The following GSG1L variants were observed in gnomAD, a reference collection of about 807,000 sequenced individuals.
The protein encoded by GSG1L is GSG1 like.
Under a neutral mutation model 42.1 loss-of-function variants are expected in GSG1L, and 24 were observed. That is an observed-to-expected ratio of 0.57 (90% CI 0.41 to 0.80). The LOEUF is 0.80. GSG1L is among the 30% of genes least tolerant of loss of function. GSG1L has a pLI of 0.00. For synonymous variants in GSG1L, 215 were observed against 203.5 expected (o/e 1.06, Z -0.48); for missense variants, 445 against 472.2 (o/e 0.94, Z 0.53).
intron 1 of GSG1L, among the ~76,000 whole-genome samples, chr16:28,005,834 G>A (rs188628328): frequency 1.3e-5 from 2 of 152,212 alleles, no homozygotes; most frequent in South Asian, 2.1e-4. Flanking sequence ...GGTGCATTTC[G>A]GCAGAATAAC....
At chr16:27,886,937 TTC>T (rs1211348314) in intron 2 of GSG1L, among the ~76,000 whole-genome samples, 1 of 151,954 alleles carries the variant, frequency 6.6e-6, no homozygotes, top group Non-Finnish European at 1.5e-5. Flanking sequence ...TCTCTTTTCT[TTC>T]TCTCTTTCTT....
At chr16:27,809,493 G>T (rs910245840) in intron 5 of GSG1L, among the ~76,000 whole-genome samples, 1 of 151,854 alleles carries the variant, frequency 6.6e-6, no homozygotes, top group Non-Finnish European at 1.5e-5. Context: ...TGGGAGGATC[G>T]CTTGAGCCCA....
chr16:27,921,365 A>G (rs1391926444), intron 2 of GSG1L, among the ~76,000 whole-genome samples: 1 of 152,134 alleles, frequency 6.6e-6, no homozygotes, highest in East Asian at 1.9e-4. Flanking sequence ...CACCACGGCC[A>G]GTGTCTGTTC....
At chr16:27,985,442 C>A (rs185299106) in intron 1 of GSG1L, among the ~76,000 whole-genome samples, 1 of 152,168 alleles carries the variant, frequency 6.6e-6, no homozygotes, top group East Asian at 1.9e-4. Flanking sequence ...CTTCACCATC[C>A]GCCATGATTG....
chr16:27,907,843 T>C (rs915582836), intron 2 of GSG1L, among the ~76,000 whole-genome samples: 2 of 149,796 alleles, frequency 1.3e-5, no homozygotes, highest in Non-Finnish European at 1.5e-5. Context: ...TCCTTTCTTG[T>C]GGTTGCAACA....
In GSG1L at chr16:27,948,908, C is replaced by CTAT. The variant is rs372937677; in HGVS notation, c.397+14245_397+14247dup. ...ACAGGTGTGAACCACCGCACCTGAT[C>CTAT]TATTATTATTATTATTATTATTATT... On this transcript the variant is annotated intron_variant, in intron 2 of 6. Coordinates refer to ENST00000447459, the MANE Select transcript of GSG1L (RefSeq NM_001109763.2). Among the ~76,000 whole-genome samples, 416 of 141,402 alleles carry CTAT rather than the reference C, an allele frequency of 2.9e-3. 5 individuals carry two copies. The highest frequency in any genetic ancestry group is 0.026 in the South Asian group (111 of 4,270). The allele number at this position is 141,402 out of a possible 152,430, so 92.8% of individuals were successfully genotyped here. A position where few individuals can be genotyped will look rare whatever the true frequency, so the allele number is the denominator to read the frequency against.
At chr16:28,030,464 A>T (rs1160479664) in intron 1 of GSG1L, among the ~76,000 whole-genome samples, 1 of 152,190 alleles carries the variant, frequency 6.6e-6, no homozygotes, top group African/African-American at 2.4e-5. Context: ...ACCTCTGAGA[A>T]ATAGAAAGGG....
intron 2 of GSG1L, among the ~76,000 whole-genome samples, chr16:27,896,141 C>T (rs190426424): frequency 7.9e-5 from 12 of 152,274 alleles, no homozygotes; most frequent in African/African-American, 1.9e-4. Flanking sequence ...GGGGTCACTC[C>T]AATGGGTGGG....
intron 1 of GSG1L, among the ~76,000 whole-genome samples, chr16:27,982,481 G>GT (rs1361392625): frequency 1.3e-5 from 2 of 152,136 alleles, no homozygotes; most frequent in Non-Finnish European, 2.9e-5. Context: ...TGAAATGGGT[G>GT]TACTCTCTCT....
At chr16:27,910,653 C>A (rs1338798207) in intron 2 of GSG1L, among the ~76,000 whole-genome samples, 1 of 152,170 alleles carries the variant, frequency 6.6e-6, no homozygotes, top group African/African-American at 2.4e-5. Flanking sequence ...CCCAAACACA[C>A]ACAGGTACAA....
At chr16:27,991,467 G>A (rs1487483141) in intron 1 of GSG1L, among the ~76,000 whole-genome samples, 2 of 151,416 alleles carry the variant, frequency 1.3e-5, no homozygotes, top group African/African-American at 4.8e-5. Context: ...GTGCAGTGGT[G>A]CAATCTCGGC....
rs556990036 is a variant in GSG1L at position 28,039,909 on chromosome 16, G to A, written c.349+23167C>T. Among the ~76,000 whole-genome samples the A allele has an allele frequency of 2.2e-4, 34 of 152,194 alleles. No homozygotes were observed. The South Asian group carries it at 7.1e-3, about 32-fold the overall frequency. On this transcript the variant is annotated intron_variant, in intron 1 of 6. Transcript: ENST00000447459. ...AACATGAGTATTTATACCTTCATAT[G>A]TCCAAAAACAAAATTCCTGATTTTC...
intron 1 of GSG1L, among the ~76,000 whole-genome samples, chr16:27,983,280 A>G (rs2085344552): frequency 6.6e-6 from 1 of 152,200 alleles, no homozygotes; most frequent in Admixed American, 6.5e-5. Flanking sequence ...GGCTGCAGTG[A>G]GCCCGGATCA....
intron 1 of GSG1L, among the ~76,000 whole-genome samples, chr16:28,026,169 C>T (rs1210234204): frequency 6.6e-6 from 1 of 152,196 alleles, no homozygotes; most frequent in Non-Finnish European, 1.5e-5. Flanking sequence ...ATGTCTCTCC[C>T]CACAGACTGG....
intron 1 of GSG1L, among the ~76,000 whole-genome samples, chr16:28,037,786 T>C (rs890300695): frequency 6.6e-6 from 1 of 152,204 alleles, no homozygotes; most frequent in Non-Finnish European, 1.5e-5. Context: ...ACCCATTAGA[T>C]CCTGTTTGTT....
chr16:28,062,334 G>A (rs1175323677), intron 1 of GSG1L, among the ~76,000 whole-genome samples: 4 of 152,182 alleles, frequency 2.6e-5, no homozygotes, highest in Non-Finnish European at 5.9e-5. Context: ...TGAAAAGTCA[G>A]TCCCCCACCG....
At chr16:27,951,428 C>T (rs2084949163) in intron 2 of GSG1L, among the ~76,000 whole-genome samples, 1 of 152,152 alleles carries the variant, frequency 6.6e-6, no homozygotes, top group African/African-American at 2.4e-5. Context: ...TTCCATGTTT[C>T]TGGGCCCTGG....
intron 2 of GSG1L, among the ~76,000 whole-genome samples, chr16:27,935,096 C>T (rs920207381): frequency 4.6e-5 from 7 of 152,306 alleles, no homozygotes; most frequent in Non-Finnish European, 8.8e-5. Context: ...TTAGACAGCA[C>T]GGTCCAGGGA....
At chr16:27,972,109 C>T (rs1358367182) in intron 1 of GSG1L, among the ~76,000 whole-genome samples, 1 of 152,196 alleles carries the variant, frequency 6.6e-6, no homozygotes, top group Non-Finnish European at 1.5e-5. Flanking sequence ...CTGGGGGTGT[C>T]CTGAAAGAAA....
Sources: gnomAD v4.1 joint callset for allele counts (sites outside exome capture counted in the v4.1 genomes callset) on GRCh38, gnomAD v4.1.1 for gene constraint, MANE v1.5 for transcripts, NCBI Gene and HGNC (gene_info 2026-07-23, HGNC 2026-07-21) for gene names.